Variants in IREB2 observed in about 807,000 individuals in gnomAD.
IREB2 encodes iron responsive element binding protein 2.
A neutral mutation model predicts 118.8 loss-of-function variants in IREB2; 39 were observed. The observed-to-expected ratio is 0.33, with a 90% CI of 0.25 to 0.43. IREB2 has a LOEUF of 0.43. IREB2 is among the 20% of genes least tolerant of loss of function. The pLI, the probability that IREB2 is intolerant of heterozygous loss-of-function variation, is 1.00. For synonymous variants in IREB2, 372 were observed against 392.2 expected (o/e 0.95, Z 0.61); for missense variants, 900 against 1,147.3 (o/e 0.78, Z 3.11).
chr15:78,487,952 C>A, intron 14 of IREB2, 135 bp downstream of exon 14: 1 of 664,764 alleles, frequency 1.5e-6, no homozygotes, highest in South Asian at 2.2e-5. Context: ...ACCTGTGAAT[C>A]TTTAAATGAT....
chr15:78,442,010 G>A (rs758506619), intron 2 of IREB2, among the ~76,000 whole-genome samples: 6 of 151,932 alleles, frequency 3.9e-5, no homozygotes, highest in Non-Finnish European at 7.4e-5. Flanking sequence ...GAGTTCAAGC[G>A]ATTCTCGTGC....
intron 8 of IREB2, chr15:78,474,897 T>TA (rs1473218933): frequency 2.5e-4 from 37 of 146,986 alleles, no homozygotes; most frequent in Admixed American, 2.2e-3. Flanking sequence ...CTACTAAAAA[T>TA]ACAAAAAATT....
In IREB2 at chr15:78,470,533, C is replaced by A; in HGVS notation, c.631C>A (p.Pro211Thr). ...AATGCCAGCTCTTCTTCCTTTTAGACCTGAAACAGTGTTAAAAAATCAAGA... is the reference window on the plus strand; with the variant it reads ...AATGCCAGCTCTTCTTCCTTTTAGAACTGAAACAGTGTTAAAAAATCAAGA... ...CPFHLQPVPE[P>T]ETVLKNQEVE... Residue 211 changes from proline to threonine, a missense_variant and splice_region_variant, in exon 6 of 22, where the codon CCT (proline) becomes ACT (threonine). Pro to Thr is a conservative substitution (Grantham distance 38). Transcript: ENST00000258886. 6.3e-7 allele frequency: 1 copy of A among 1,585,778 alleles called. No individual in the cohort carries two copies. The highest frequency in any genetic ancestry group is 8.6e-7 in the Non-Finnish European group (1 of 1,161,516).
rs2051049305 is a variant in IREB2 at position 78,452,923 on chromosome 15, G to A, written c.107-9999G>A. Among the ~76,000 whole-genome samples the A allele has an allele frequency of 2.0e-5, 3 of 152,202 alleles. No homozygotes were observed. The South Asian group carries it at 6.2e-4, about 32-fold the overall frequency. ...TATCCTTATTAACAGTATTTATGTT[G>A]GTTTCCCAAGCTCTAGTTTCTATAG... On this transcript the variant is annotated intron_variant, in intron 2 of 21. Transcript: ENST00000258886.
chr15:78,440,326 A>G (rs2050825972), intron 2 of IREB2, among the ~76,000 whole-genome samples: 2 of 151,698 alleles, frequency 1.3e-5, no homozygotes, highest in Admixed American at 1.3e-4. Flanking sequence ...ACTGATGATA[A>G]TTCTACACCA....
In IREB2 at chr15:78,483,888, G is replaced by A. The variant is rs532001345; in HGVS notation, c.1413+454G>A. On this transcript the variant is annotated intron_variant, in intron 11 of 21. Transcript: ENST00000258886. The stretch of plus-strand genomic sequence containing the variant: ...AACCTCCCCCCTCCCGGGCTCAAGC[G>A]ATTCTCCTGCCTCAGCCCCCAAAGT... Among the ~76,000 whole-genome samples, 3 of 150,292 alleles carry A rather than the reference G, an allele frequency of 2.0e-5. No individual in the cohort carries two copies. The East Asian group carries it at 5.9e-4, about 29-fold the overall frequency.
In IREB2 at chr15:78,478,430, A is replaced by G. The variant is rs775512714; in HGVS notation, c.1296+33A>G. ...CAGAATAACCCACCTCGTAGCAAAG[A>G]GTGTAAATTGTGGTGTAATCCCAGC... is the stretch of plus-strand genomic sequence containing the variant. On this transcript the variant is annotated intron_variant, in intron 10 of 21. Transcript: ENST00000258886. The G allele has an allele frequency of 9.2e-6, 12 of 1,303,442 alleles. No homozygotes were observed. The African/African-American group carries it at 1.5e-4, about 16-fold the overall frequency. The allele number at this position is 1,303,442 out of a possible 1,614,324, so 80.7% of individuals were successfully genotyped here.
intron 10 of IREB2, chr15:78,479,972 A>C (rs1485875778): frequency 6.6e-6 from 1 of 152,074 alleles, no homozygotes; most frequent in Admixed American, 6.6e-5. Context: ...GGCAGAATTC[A>C]CTTCCAGGGA....
At position 78,463,066 on chromosome 15, in the gene IREB2, G is replaced by A. The variant is rs142659017; in HGVS notation, c.251G>A (p.Arg84His). Residue 84 changes from arginine (R) to histidine (H), a missense_variant, in exon 3 of 22, where the codon CGT becomes CAT. By Grantham distance (29) the Arg-to-His change is conservative. Coordinates refer to ENST00000258886, the MANE Select transcript of IREB2 (RefSeq NM_004136.4). ...SNVEVPFFPA[R>H]VLLQDFTGIP... ...GTTGAAGTGCCCTTTTTCCCTGCCC[G>A]TGTTCTTCTTCAAGATTTTACGTGA... 2.5e-6 allele frequency: 4 copies of A among 1,602,924 alleles called. No individual in the cohort carries two copies. Among genetic ancestry groups the A allele is most frequent in the South Asian group, 1.1e-5 (1 of 89,000 alleles).
rs2051650047 is a variant in IREB2, at chr15:78,485,813, G to C, written c.1682G>C (p.Gly561Ala). The change falls in exon 13 of 22, where the codon GGA becomes GCA. Residue 561 changes from glycine (G) to alanine (A), a missense_variant. Coordinates refer to ENST00000258886, the MANE Select transcript of IREB2 (RefSeq NM_004136.4). ...GMVTHYLSSS[G>A]VLPYLSKLGF... is the part of the protein sequence containing the mutation. ...GTTACACATTACCTCAGTTCAAGTGGAGTATTACCATATCTAAGTAAGCTT... is the reference window on the plus strand; with the variant it reads ...GTTACACATTACCTCAGTTCAAGTGCAGTATTACCATATCTAAGTAAGCTT... 1.2e-6 allele frequency: 2 copies of C among 1,613,862 alleles called. No homozygotes were observed. The highest frequency in any genetic ancestry group is 4.5e-5 in the East Asian group (2 of 44,862).
At chr15:78,445,312 A>G (rs1007700250) in intron 2 of IREB2, among the ~76,000 whole-genome samples, 4 of 151,846 alleles carry the variant, frequency 2.6e-5, no homozygotes, top group African/African-American at 9.7e-5. Context: ...TGATTTTTGT[A>G]TTTTTAGTAG....
At chr15:78,493,342 C>T (rs1446636490) in intron 18 of IREB2, among the ~76,000 whole-genome samples, 1 of 152,084 alleles carries the variant, frequency 6.6e-6, no homozygotes, top group Non-Finnish European at 1.5e-5. Flanking sequence ...GCAGAAGCCA[C>T]ATATATGAAA....
chr15:78,465,010 T>C (rs2051257651), intron 3 of IREB2, among the ~76,000 whole-genome samples: 2 of 152,216 alleles, frequency 1.3e-5, no homozygotes, highest in African/African-American at 4.8e-5. Flanking sequence ...AGTTCGCTTA[T>C]GCCTCAAAAA....
intron 1 of IREB2, among the ~76,000 whole-genome samples, chr15:78,439,398 C>T (rs1329810837): frequency 1.3e-5 from 2 of 152,120 alleles, no homozygotes; most frequent in East Asian, 3.9e-4. Flanking sequence ...GTTTTCAAGA[C>T]ATGTCTTTCC....
intron 4 of IREB2, among the ~76,000 whole-genome samples, chr15:78,465,875 C>T (rs1347616806): frequency 1.3e-5 from 2 of 151,958 alleles, no homozygotes; most frequent in East Asian, 1.9e-4. Flanking sequence ...AAAAACGTTC[C>T]CTGGAGTAGT....
At chr15:78,471,713 G>C (rs769414012) in intron 6 of IREB2, 28 bp from the exon 7 acceptor site, 1 of 1,447,930 alleles carries the variant, frequency 6.9e-7, no homozygotes, top group Non-Finnish European at 9.4e-7. Context: ...ACTAACATTT[G>C]TATTTCTTAA....
At chr15:78,470,748 CCAGTGGCGTGATCTCAGCTTACTG>C (rs1387385471) in intron 6 of IREB2, 147 bp downstream of exon 6, 13 of 438,696 alleles carry the variant, frequency 3.0e-5, no homozygotes, top group South Asian at 8.8e-5. Context: ...AGGCTGGAGT[CCAGTGGCGTGATCTCAGCTTACTG>C]CAGCCTCCAC....
At chr15:78,474,706 T>G (rs2051435014) in intron 8 of IREB2, 1 of 152,202 alleles carries the variant, frequency 6.6e-6, no homozygotes, top group Non-Finnish European at 1.5e-5. Context: ...ATTGTTTTTT[T>G]GATGAGAGCA....
intron 18 of IREB2, 67 bp from the exon 19 acceptor site, chr15:78,493,837 GGTCTT>G: frequency 7.0e-7 from 1 of 1,423,198 alleles, no homozygotes; most frequent in Non-Finnish European, 9.5e-7. Context: ...TTTTTCAATA[GGTCTT>G]ACAGCTCAAT....
Sources: allele counts gnomAD v4.1 joint callset (sites outside exome capture counted in the v4.1 genomes callset), GRCh38; gene constraint gnomAD v4.1.1; transcripts MANE v1.5; gene names NCBI Gene and HGNC (gene_info 2026-07-23, HGNC 2026-07-21).